The following ASCC3 variants were observed in gnomAD, a reference collection of about 807,000 sequenced individuals.
The protein encoded by ASCC3 is ASC-1 complex subunit P200.
Under a neutral mutation model 256.3 loss-of-function variants are expected in ASCC3, and 158 were observed. The ratio of observed to expected loss-of-function variants is 0.62; its 90% CI spans 0.54 to 0.70. ASCC3 has a LOEUF of 0.70. Ranked by LOEUF, ASCC3 falls within the 30% of genes least tolerant of loss-of-function variation. The pLI is 0.00. For missense variants in ASCC3, 2,259 were observed against 2,626.0 expected, an observed-to-expected ratio of 0.86 and a Z score of 3.05; for synonymous variants, 948 against 883.4, an observed-to-expected ratio of 1.07 and a Z score of -1.30.
At chr6:100,656,177 T>C (rs1302525720) in intron 16 of ASCC3, among the ~76,000 whole-genome samples, 1 of 151,692 alleles carries the variant, frequency 6.6e-6, no homozygotes, top group Non-Finnish European at 1.5e-5. Flanking sequence ...GTGACTACAC[T>C]GCTGAAAAAT....
rs371813979 is a variant in ASCC3 at position 100,872,761 on chromosome 6, C to T, written c.-41-4723G>A. Among the ~76,000 whole-genome samples the T allele has an allele frequency of 1.3e-3, 201 of 152,268 alleles. 1 individual carries two copies. In the South Asian group the frequency reaches 0.014, roughly 10 times the overall value. On this transcript the variant is annotated intron_variant, in intron 1 of 41. Transcript: ENST00000369162. ...ACCAGCCCAAAGCCTGGTAGACCTG[C>T]TGAGTGGCTAGATCCAGAAGAGAGA...
intron 8 of ASCC3, 110 bp downstream of exon 8, chr6:100,798,603 G>A (rs970983832): frequency 1.3e-6 from 2 of 1,523,324 alleles, no homozygotes; most frequent in African/African-American, 2.7e-5. Flanking sequence ...ATATATGTCT[G>A]TACTGTATTT....
chr6:100,759,427 G>A (rs1386595569), intron 10 of ASCC3, among the ~76,000 whole-genome samples: 2 of 152,176 alleles, frequency 1.3e-5, no homozygotes, highest in East Asian at 3.9e-4. Flanking sequence ...AAGGTATACA[G>A]AAGGGGTCCA....
intron 13 of ASCC3, among the ~76,000 whole-genome samples, chr6:100,683,912 A>G (rs964986506): frequency 3.3e-5 from 5 of 152,182 alleles, no homozygotes; most frequent in African/African-American, 9.6e-5. Flanking sequence ...ATAAACTGCA[A>G]AAGCCTTTTA....
intron 24 of ASCC3, among the ~76,000 whole-genome samples, chr6:100,642,030 GGAGGGATA>G: frequency 7.4e-6 from 1 of 134,676 alleles, no homozygotes; most frequent in African/African-American, 2.7e-5. Flanking sequence ...GGGGGAGGGG[GGAGGGATA>G]GCATTAGGTG....
intron 10 of ASCC3, among the ~76,000 whole-genome samples, chr6:100,734,954 A>C (rs982526605): frequency 6.6e-6 from 1 of 152,180 alleles, no homozygotes; most frequent in African/African-American, 2.4e-5. Flanking sequence ...TACCAGAACC[A>C]TCATTTCCAA....
At chr6:100,586,999 C>T (rs1771728826) in intron 36 of ASCC3, among the ~76,000 whole-genome samples, 1 of 151,960 alleles carries the variant, frequency 6.6e-6, no homozygotes, top group Non-Finnish European at 1.5e-5. Context: ...ATGAATGTAT[C>T]TTAGTAAAAG....
At chr6:100,676,848 A>T (rs1430766759) in intron 14 of ASCC3, among the ~76,000 whole-genome samples, 1 of 152,216 alleles carries the variant, frequency 6.6e-6, no homozygotes, top group African/African-American at 2.4e-5. Context: ...GTGTTAAATG[A>T]AACTGTAAAG....
intron 36 of ASCC3, among the ~76,000 whole-genome samples, chr6:100,568,789 ATTT>A (rs1001827463): frequency 7.1e-5 from 9 of 127,210 alleles, no homozygotes; most frequent in Middle Eastern, 4.1e-3. Context: ...TATTATTATT[ATTT>A]TTTGAGACAG....
intron 16 of ASCC3, 24 bp downstream of exon 16, chr6:100,661,782 A>C: frequency 6.2e-7 from 1 of 1,605,728 alleles, no homozygotes; most frequent in Non-Finnish European, 8.5e-7. Flanking sequence ...ATTCTATTCC[A>C]AACTTTTACT....
In ASCC3 at chr6:100,534,390, T is replaced by A. The variant is rs540035656; in HGVS notation, c.5775+5773A>T. ...GAACATTTAGACAACTCACTTAAATTTTTGATACTTTTTACTTTAATTTTT... is the reference window on the plus strand; with the variant it reads ...GAACATTTAGACAACTCACTTAAATATTTGATACTTTTTACTTTAATTTTT... On this transcript the variant is annotated intron_variant, in intron 37 of 41. Coordinates refer to ENST00000369162, the MANE Select transcript of ASCC3 (RefSeq NM_006828.4). Among the ~76,000 whole-genome samples, 3 of 152,368 alleles carry A rather than the reference T, an allele frequency of 2.0e-5. No individual in the cohort carries two copies. In the South Asian group the frequency reaches 6.2e-4, roughly 32 times the overall value.
At chr6:100,870,873 T>C (rs1773708389) in intron 1 of ASCC3, among the ~76,000 whole-genome samples, 1 of 152,056 alleles carries the variant, frequency 6.6e-6, no homozygotes, top group African/African-American at 2.4e-5. Flanking sequence ...AGAGCAGAGA[T>C]TCTCAAACTT....
At chr6:100,678,605 G>A (rs566437532) in intron 14 of ASCC3, among the ~76,000 whole-genome samples, 1 of 152,076 alleles carries the variant, frequency 6.6e-6, no homozygotes, top group African/African-American at 2.4e-5. Context: ...ATGTCTGGCA[G>A]CTAGCAGCTG....
chr6:100,595,533 T>A (rs1582522082), intron 34 of ASCC3, among the ~76,000 whole-genome samples: 1 of 152,274 alleles, frequency 6.6e-6, no homozygotes, highest in East Asian at 1.9e-4. Context: ...GACAGTTTGT[T>A]TTTTGGGGGG....
At chr6:100,619,658 C>A (rs191563085) in intron 30 of ASCC3, among the ~76,000 whole-genome samples, 4 of 152,228 alleles carry the variant, frequency 2.6e-5, no homozygotes, top group African/African-American at 9.6e-5. Flanking sequence ...GGCCCCCTGG[C>A]TAGTTGCAGA....
chr6:100,879,602 T>G (rs149585493), intron 1 of ASCC3, among the ~76,000 whole-genome samples: 1 of 152,028 alleles, frequency 6.6e-6, no homozygotes, highest in African/African-American at 2.4e-5. Context: ...ACACAGGAGA[T>G]CAATCAGACC....
At position 100,646,435 on chromosome 6, in the gene ASCC3, C is replaced by T. The variant is rs112213154; in HGVS notation, c.3633+180G>A. ...ATGCCATTCTCCTGCCTCAGCCTCC[C>T]GAGTAGCTGGGACTACAGGTGCCCA... On this transcript the variant is annotated intron_variant, in intron 22 of 41. Transcript: ENST00000369162. Among the ~76,000 whole-genome samples, 5 of 152,032 alleles carry T rather than the reference C, an allele frequency of 3.3e-5. 1 individual carries two copies. Among genetic ancestry groups the T allele is most frequent in the Middle Eastern group, 6.3e-3 (2 of 316 alleles).
At chr6:100,621,550 A>T (rs968446590) in intron 30 of ASCC3, among the ~76,000 whole-genome samples, 1 of 152,200 alleles carries the variant, frequency 6.6e-6, no homozygotes, top group East Asian at 1.9e-4. Flanking sequence ...ACCATCTCAC[A>T]TCAGTCAGAA....
At chr6:100,695,008 A>T (rs997378013) in intron 13 of ASCC3, among the ~76,000 whole-genome samples, 1 of 152,180 alleles carries the variant, frequency 6.6e-6, no homozygotes, top group African/African-American at 2.4e-5. Flanking sequence ...ACAAGTGATA[A>T]AAATGAATGT....
Sources: allele counts gnomAD v4.1 joint callset (sites outside exome capture counted in the v4.1 genomes callset), GRCh38; gene constraint gnomAD v4.1.1; transcripts MANE v1.5; gene names NCBI Gene and HGNC (gene_info 2026-07-23, HGNC 2026-07-21).